Variants in ZNF827 observed in about 807,000 individuals in gnomAD.
ZNF827 encodes zinc finger protein 827.
In ZNF827, 13 loss-of-function variants were observed where a neutral mutation model predicts 102.4. The ratio of observed to expected loss-of-function variants is 0.13; its 90% CI spans 0.08 to 0.20. The LOEUF is 0.20. Ranked by LOEUF, ZNF827 falls within the 10% of genes least tolerant of loss-of-function variation. The probability of loss-of-function intolerance (pLI) is 1.00; values close to 1 mark genes in which losing one functional copy is unlikely to be tolerated. For missense variants in ZNF827, 1,103 were observed against 1,344.4 expected (o/e 0.82, Z 2.81); for synonymous variants, 523 against 536.2 (o/e 0.98, Z 0.34).
In ZNF827 at chr4:145,892,387, G is replaced by A. The variant is rs1182665380; in HGVS notation, c.1122C>T (p.Phe374=). Residue 374 remains phenylalanine, a synonymous_variant, in exon 3 of 15, where the codon TTC becomes TTT. Transcript: ENST00000508784. The part of the protein sequence containing the change: ...SASEEESGKP[F]QCPICGLVIK... Reference sequence around the variant, plus strand: ...TAACCAAACCACATATTGGACACTGGAAAGGCTTTCCACTTTCCTCTTCTG... The same window carrying A: ...TAACCAAACCACATATTGGACACTGAAAAGGCTTTCCACTTTCCTCTTCTG... 2 of 1,613,892 alleles carry A rather than the reference G, an allele frequency of 1.2e-6. No homozygotes were observed. Among genetic ancestry groups the A allele is most frequent in the Admixed American group, 1.7e-5 (1 of 59,986 alleles).
intron 3 of ZNF827, among the ~76,000 whole-genome samples, chr4:145,890,084 G>C (rs1194310525): frequency 6.6e-6 from 1 of 151,792 alleles, no homozygotes; most frequent in Admixed American, 6.6e-5. Context: ...TTTCCAGGTA[G>C]ACTAGATTTG....
At chr4:145,871,243 TTTG>T (rs1377242903) in intron 4 of ZNF827, among the ~76,000 whole-genome samples, 18 of 152,204 alleles carry the variant, frequency 1.2e-4, no homozygotes, top group Admixed American at 9.2e-4. Context: ...CCATGGTACA[TTTG>T]TCAGAACTAA....
intron 1 of ZNF827, among the ~76,000 whole-genome samples, chr4:145,935,336 T>C (rs1754080607): frequency 6.6e-6 from 1 of 152,188 alleles, no homozygotes; most frequent in Non-Finnish European, 1.5e-5. Context: ...TTTCCCAAAG[T>C]CAATAATTAC....
At chr4:145,906,846 T>G (rs1751909185) in intron 1 of ZNF827, among the ~76,000 whole-genome samples, 1 of 152,236 alleles carries the variant, frequency 6.6e-6, no homozygotes, top group African/African-American at 2.4e-5. Context: ...ACTCGATCAC[T>G]GAGATACACA....
chr4:145,878,198 C>T (rs115018710), intron 4 of ZNF827, among the ~76,000 whole-genome samples: 3 of 152,132 alleles, frequency 2.0e-5, no homozygotes, highest in African/African-American at 4.8e-5. Context: ...GAAATGGCTA[C>T]GATTCCCCCC....
chr4:145,897,562 C>T (rs1751077066), intron 2 of ZNF827, among the ~76,000 whole-genome samples: 1 of 152,132 alleles, frequency 6.6e-6, no homozygotes, highest in African/African-American at 2.4e-5. Context: ...TACACATGGA[C>T]TTTAAATCTT....
chr4:145,770,820 G>C (rs1488384271), intron 11 of ZNF827, among the ~76,000 whole-genome samples: 1 of 152,112 alleles, frequency 6.6e-6, no homozygotes, highest in Admixed American at 6.6e-5. Context: ...TAAATTCCCA[G>C]AGATGGGATT....
In ZNF827 at chr4:145,936,442, G is replaced by A. The variant is rs568488818; in HGVS notation, c.43+1923C>T. ...CAGGCGAAGAAAGGACTGCACAGGGGCATTTTTTTTTTTTAAAGGAAGGGG... is the reference window on the plus strand; with the variant it reads ...CAGGCGAAGAAAGGACTGCACAGGGACATTTTTTTTTTTTAAAGGAAGGGG... On this transcript the variant is annotated intron_variant, in intron 1 of 14. Coordinates refer to ENST00000508784, the MANE Select transcript of ZNF827 (RefSeq NM_001306215.2). Among the ~76,000 whole-genome samples the A allele has an allele frequency of 5.5e-5, 8 of 144,324 alleles. No individual in the cohort carries two copies. In the South Asian group the frequency reaches 1.8e-3, roughly 33 times the overall value. 94.7% of individuals were successfully genotyped at this position (144,324 alleles called of 152,430 possible).
In ZNF827 at chr4:145,862,466, C is replaced by CAAAAAAACTAA. The variant is rs756156646; in HGVS notation, c.1981+7778_1981+7779insTTAGTTTTTTT. ...ATGTCTCCAATTCTCACTGAGTTTT[C>CAAAAAAACTAA]AAGGGCTAAAAAAAGTCTAATTCTT... On this transcript the variant is annotated intron_variant, in intron 5 of 14. Transcript: ENST00000508784. 1.1e-3 allele frequency among the ~76,000 whole-genome samples: 169 copies of CAAAAAAACTAA among 152,190 alleles called. 1 individual carries two copies. The highest frequency in any genetic ancestry group is 1.8e-3 in the Non-Finnish European group (120 of 68,010).
At chr4:145,877,722 T>G (rs1486188411) in intron 4 of ZNF827, among the ~76,000 whole-genome samples, 2 of 152,092 alleles carry the variant, frequency 1.3e-5, no homozygotes, top group Non-Finnish European at 2.9e-5. Flanking sequence ...CCTCAAGAAT[T>G]TTAAAATATA....
At chr4:145,901,733 G>A (rs193022028) in intron 2 of ZNF827, among the ~76,000 whole-genome samples, 1 of 152,216 alleles carries the variant, frequency 6.6e-6, no homozygotes, top group Non-Finnish European at 1.5e-5. Flanking sequence ...GTCCATTTGT[G>A]ATGGAGGCAG....
chr4:145,882,583 GT>G (rs778182508), intron 4 of ZNF827, among the ~76,000 whole-genome samples: 15 of 152,262 alleles, frequency 9.9e-5, no homozygotes, highest in Non-Finnish European at 1.9e-4. Context: ...ATCCCACTCG[GT>G]TCCATTCAAT....
At chr4:145,801,128 G>C (rs1185373267) in intron 8 of ZNF827, among the ~76,000 whole-genome samples, 1 of 151,886 alleles carries the variant, frequency 6.6e-6, no homozygotes, top group Non-Finnish European at 1.5e-5. Context: ...CTCTATCCAA[G>C]GTTAAGATGG....
At position 145,765,503 on chromosome 4, in the gene ZNF827, TG is replaced by T; in HGVS notation, c.3052+43del. ...GCTTATTCTCAAGAATGGGTCATCC[TG>T]GGTGCGGAGGGTTGAGCAGGCTCAC... On this transcript the variant is annotated intron_variant, in intron 12 of 14. Coordinates refer to ENST00000508784, the MANE Select transcript of ZNF827 (RefSeq NM_001306215.2). The surrounding 1 kb of genome is among the most constrained non-coding windows in gnomAD (Gnocchi z 4.7). 1 of 1,561,026 alleles carries T rather than the reference TG, an allele frequency of 6.4e-7. No individual in the cohort carries two copies. The highest frequency in any genetic ancestry group is 8.7e-7 in the Non-Finnish European group (1 of 1,155,360).
intron 1 of ZNF827, among the ~76,000 whole-genome samples, chr4:145,921,352 A>G (rs929528896): frequency 2.0e-5 from 3 of 152,016 alleles, no homozygotes; most frequent in Non-Finnish European, 4.4e-5. Flanking sequence ...AAAATGCCTA[A>G]AAGATCTTAA....
rs34745619 is a variant in ZNF827 at position 145,864,420 on chromosome 4, CAAAAAA to C, written c.1981+5819_1981+5824del. Among the ~76,000 whole-genome samples the C allele has an allele frequency of 5.2e-3, 314 of 60,798 alleles. 2 individuals carry two copies. The highest frequency in any genetic ancestry group is 0.019 in the African/African-American group (270 of 13,950). 39.9% of individuals were successfully genotyped at this position (60,798 alleles called of 152,430 possible). ...GGCAACATAGCAGACCTTGTCTCTA[CAAAAAA>C]AAAAAAAAAAAAAAAAAATTAGCTG... On this transcript the variant is annotated intron_variant, in intron 5 of 14. Coordinates refer to ENST00000508784, the MANE Select transcript of ZNF827 (RefSeq NM_001306215.2).
At chr4:145,820,678 C>T (rs562880295) in intron 8 of ZNF827, among the ~76,000 whole-genome samples, 3 of 152,182 alleles carry the variant, frequency 2.0e-5, no homozygotes, top group Non-Finnish European at 4.4e-5. Context: ...CTGCTTTTCC[C>T]ACCCCACTCC....
At chr4:145,932,168 A>C (rs1309166106) in intron 1 of ZNF827, among the ~76,000 whole-genome samples, 1 of 152,232 alleles carries the variant, frequency 6.6e-6, no homozygotes, top group Admixed American at 6.5e-5. Context: ...CAACTTCCAG[A>C]ACTGTAGGCA....
chr4:145,775,608 A>C (rs1736943657), intron 10 of ZNF827, among the ~76,000 whole-genome samples, 181 bp downstream of exon 10: 1 of 152,188 alleles, frequency 6.6e-6, no homozygotes, highest in South Asian at 2.1e-4. Flanking sequence ...AGGGGCACCC[A>C]AACCAAGAGA....
Sources: allele counts gnomAD v4.1 joint callset (sites outside exome capture counted in the v4.1 genomes callset), GRCh38; gene constraint gnomAD v4.1.1; non-coding constraint Gnocchi (gnomAD v3.1); transcripts MANE v1.5; gene names NCBI Gene and HGNC (gene_info 2026-07-23, HGNC 2026-07-21).